Variants in RSPH14 observed in about 807,000 individuals in gnomAD.
RSPH14 encodes the protein radial spoke head 14 homolog, also known as rhabdoid tumor deletion region gene 1.
A neutral mutation model predicts 26.7 loss-of-function variants in RSPH14; 20 were observed. The observed-to-expected ratio is 0.75, with a 90% confidence interval of 0.53 to 1.09. RSPH14 has a LOEUF of 1.09. Ranked by LOEUF, RSPH14 falls within the 50% of genes least tolerant of loss-of-function variation. RSPH14 has a pLI of 0.00. For missense variants in RSPH14, 449 were observed against 457.2 expected (o/e 0.98, Z 0.16); for synonymous variants, 177 against 189.3 (o/e 0.93, Z 0.53).
At chr22:23,140,980 C>A (rs2070588868) in intron 1 of RSPH14, among the ~76,000 whole-genome samples, 1 of 152,138 alleles carries the variant, frequency 6.6e-6, no homozygotes, top group Non-Finnish European at 1.5e-5. Context: ...TCATTCACTG[C>A]CAGGAACCCA....
At chr22:23,143,256 A>G (rs2070629629), upstream of RSPH14, among the ~76,000 whole-genome samples, 1 of 151,550 alleles carries the variant, frequency 6.6e-6, no homozygotes, top group African/African-American at 2.4e-5. Context: ...ACACTACTAC[A>G]CCCCAGCCTG....
chr22:23,123,816 G>C (rs1262177641), intron 4 of RSPH14: 1 of 241,530 alleles, frequency 4.1e-6, no homozygotes, highest in African/African-American at 2.2e-5. Context: ...GCAGGGCTGA[G>C]GCAAGGTAGG....
At chr22:23,112,453 G>A (rs1484620833) in intron 4 of RSPH14, among the ~76,000 whole-genome samples, 1 of 152,208 alleles carries the variant, frequency 6.6e-6, no homozygotes, top group Non-Finnish European at 1.5e-5. Flanking sequence ...GAGCATGCCA[G>A]GGTGCAGCCA....
At chr22:23,114,221 A>G (rs1225509971) in intron 4 of RSPH14, among the ~76,000 whole-genome samples, 8 of 151,442 alleles carry the variant, frequency 5.3e-5, no homozygotes, top group African/African-American at 1.9e-4. Flanking sequence ...CATGTCTACA[A>G]CCCCGCCCCA....
the RSPH14 span, among the ~76,000 whole-genome samples, chr22:23,169,662 G>A: frequency 6.6e-6 from 1 of 152,084 alleles, no homozygotes; most frequent in Non-Finnish European, 1.5e-5. Context: ...GTAATGGCTG[G>A]GGAGGTGGAA....
chr22:23,180,101 G>T, the RSPH14 span: 1 of 293,124 alleles, frequency 3.4e-6, no homozygotes, highest in Non-Finnish European at 6.7e-6. Flanking sequence ...AGTTCTGCCA[G>T]AGAGAGCAGC....
At position 23,133,675 on chromosome 22, in the gene RSPH14, C is replaced by T. The variant is rs568112102; in HGVS notation, c.421+351G>A. Among the ~76,000 whole-genome samples, 299 of 152,150 alleles carry T rather than the reference C, an allele frequency of 2.0e-3. 3 individuals carry two copies. Among genetic ancestry groups the T allele is most frequent in the African/African-American group, 6.9e-3 (285 of 41,500 alleles). ...TGCAATCTTGGCTCACTGCAACCTC[C>T]GCCTCCCAGGTTCAAGCGATTCTTC... On this transcript the variant is annotated intron_variant, in intron 4 of 6. Coordinates refer to ENST00000216036, the MANE Select transcript of RSPH14 (RefSeq NM_014433.3).
chr22:23,123,999 C>T (rs577983227), intron 4 of RSPH14: 38 of 213,234 alleles, frequency 1.8e-4, no homozygotes, highest in African/African-American at 8.3e-4. Flanking sequence ...CCTTAGGAGC[C>T]GGGTGACAGC....
intron 4 of RSPH14, among the ~76,000 whole-genome samples, chr22:23,080,887 C>T (rs546563568): frequency 6.6e-6 from 1 of 152,378 alleles, no homozygotes; most frequent in East Asian, 1.9e-4. Context: ...TCCCTTCTCA[C>T]TGTAAAGCAT....
chr22:23,131,483 A>G (rs2146432573), intron 4 of RSPH14: 1 of 552,984 alleles, frequency 1.8e-6, no homozygotes, highest in East Asian at 7.2e-5. Context: ...AGCAAGTATA[A>G]AATATGGATA....
Position 23,065,334 on chromosome 22 carries a change from G to A in RSPH14, c.422-1201C>T, listed in dbSNP as rs76003838. On this transcript the variant is annotated intron_variant, in intron 4 of 6. Coordinates refer to ENST00000216036, the MANE Select transcript of RSPH14 (RefSeq NM_014433.3). The stretch of plus-strand genomic sequence containing the variant: ...ACCGCCCCCCACCATGTCTCATAAT[G>A]TCCAGCAGCTCTCCATGCCCCATCC... Among the ~76,000 whole-genome samples, 1,443 of 151,936 alleles carry A rather than the reference G, an allele frequency of 9.5e-3. 7 individuals are homozygous for A. The highest frequency in any genetic ancestry group is 0.017 in the Middle Eastern group (5 of 294).
chr22:23,162,852 C>T, the RSPH14 span: 2 of 415,780 alleles, frequency 4.8e-6, no homozygotes, highest in Non-Finnish European at 1.0e-5. Context: ...GGGAAGAACA[C>T]TGGCATCTTT....
intron 4 of RSPH14, among the ~76,000 whole-genome samples, chr22:23,113,311 C>A (rs984958633): frequency 7.2e-5 from 11 of 152,252 alleles, no homozygotes; most frequent in African/African-American, 2.7e-4. Context: ...CCGGCTCCCA[C>A]CCCAGCACTC....
At chr22:23,091,505 C>T (rs758950895) in intron 4 of RSPH14, among the ~76,000 whole-genome samples, 43 of 151,572 alleles carry the variant, frequency 2.8e-4, no homozygotes, top group Non-Finnish European at 4.9e-4. Context: ...GGGACCTATG[C>T]ATACATGCAC....
chr22:23,157,886 TG>T, the RSPH14 span: 4 of 1,580,348 alleles, frequency 2.5e-6, no homozygotes, highest in African/African-American at 1.3e-5. Flanking sequence ...AGTGCCTGGT[TG>T]GGGGGCTGCC....
intron 4 of RSPH14, among the ~76,000 whole-genome samples, chr22:23,086,123 T>G (rs1374481358): frequency 1.3e-5 from 2 of 152,168 alleles, no homozygotes; most frequent in East Asian, 3.8e-4. Context: ...GACTATGAAG[T>G]CATTATGAAG....
At chr22:23,116,214 G>C (rs1252693643) in intron 4 of RSPH14, among the ~76,000 whole-genome samples, 2 of 152,232 alleles carry the variant, frequency 1.3e-5, no homozygotes, top group African/African-American at 4.8e-5. Context: ...AGGGGCTGAG[G>C]GGCCTTCTGG....
chr22:23,079,012 G>A (rs148473856), intron 4 of RSPH14, among the ~76,000 whole-genome samples: 14 of 152,296 alleles, frequency 9.2e-5, no homozygotes, highest in Admixed American at 2.6e-4. Context: ...CACGTTGACC[G>A]ATTCCTCACT....
At chr22:23,085,112 T>A (rs2068783207) in intron 4 of RSPH14, among the ~76,000 whole-genome samples, 1 of 152,150 alleles carries the variant, frequency 6.6e-6, no homozygotes, top group African/African-American at 2.4e-5. Flanking sequence ...GGACATGGTT[T>A]CCAGGCAGCT....
Sources: gnomAD v4.1 joint callset for allele counts (sites outside exome capture counted in the v4.1 genomes callset) on GRCh38, gnomAD v4.1.1 for gene constraint, MANE v1.5 for transcripts, NCBI Gene and HGNC (gene_info 2026-07-23, HGNC 2026-07-21) for gene names.